The following WASHC2C variants were observed in gnomAD, a reference collection of about 807,000 sequenced individuals.
WASHC2C encodes the protein WASH complex subunit 2C.
WASHC2C carries 73 observed loss-of-function variants against 142.2 expected under a neutral mutation model. The observed-to-expected ratio is 0.51, with a 90% CI of 0.43 to 0.62. The LOEUF (loss-of-function observed/expected upper bound fraction) is 0.62. Among genes scored for constraint, WASHC2C ranks in the 20% least tolerant of loss-of-function variants. The pLI is 0.00. For synonymous variants in WASHC2C, 337 were observed against 565.5 expected (o/e 0.60, Z 5.73); for missense variants, 969 against 1,531.7 (o/e 0.63, Z 6.13).
intron 23 of WASHC2C, among the ~76,000 whole-genome samples, chr10:45,779,798 A>C (rs1310776252): frequency 6.6e-6 from 1 of 152,158 alleles, no homozygotes; most frequent in Non-Finnish European, 1.5e-5. Flanking sequence ...CATCCTGGCC[A>C]ACATAATGAA....
At position 45,757,011 on chromosome 10, in the gene WASHC2C, G is replaced by A. The variant is rs781783271; in HGVS notation, c.1421-1G>A. On this transcript the variant is annotated splice_acceptor_variant, in intron 15 of 30. Coordinates refer to ENST00000623400, the MANE Select transcript of WASHC2C (RefSeq NM_001330074.2). LOFTEE classifies it high-confidence loss of function. ...ATTTTATGCCTTGGTATTTTTTACA[G>A]GCAAAGTCCAATCCACTGCCGATAT... The A allele has an allele frequency of 1.9e-6, 3 of 1,594,896 alleles. No homozygotes were observed. Among genetic ancestry groups the A allele is most frequent in the Non-Finnish European group, 2.6e-6 (3 of 1,169,910 alleles).
At chr10:45,779,782 C>T (rs1262564664) in intron 23 of WASHC2C, among the ~76,000 whole-genome samples, 1 of 152,050 alleles carries the variant, frequency 6.6e-6, no homozygotes, top group African/African-American at 2.4e-5. Context: ...GTCAAGAGAT[C>T]GAGACCATCC....
At chr10:45,739,785 G>A (rs2051760519) in intron 4 of WASHC2C, among the ~76,000 whole-genome samples, 1 of 152,120 alleles carries the variant, frequency 6.6e-6, no homozygotes, top group Admixed American at 6.6e-5. Context: ...TCATTGTTGG[G>A]ATACTTCTCC....
chr10:45,727,659 C>T (rs1175872166), intron 2 of WASHC2C, 120 bp downstream of exon 2: 2 of 1,262,178 alleles, frequency 1.6e-6, no homozygotes, highest in Non-Finnish European at 2.1e-6. Flanking sequence ...CTCTTAGGAA[C>T]ACACGCCCCG....
intron 21 of WASHC2C, among the ~76,000 whole-genome samples, chr10:45,773,707 G>C (rs1404898932): frequency 6.6e-6 from 1 of 152,150 alleles, no homozygotes; most frequent in Non-Finnish European, 1.5e-5. Context: ...GTTTATATTA[G>C]CCAGTCAGTA....
chr10:45,737,771 T>A (rs1554865383), intron 3 of WASHC2C, among the ~76,000 whole-genome samples: 2 of 148,322 alleles, frequency 1.3e-5, no homozygotes, highest in Admixed American at 6.7e-5. Flanking sequence ...TATTTAAATT[T>A]TTTTTTTTTT....
At chr10:45,751,414 G>T in intron 10 of WASHC2C, 68 bp from the exon 11 acceptor site, 1 of 753,460 alleles carries the variant, frequency 1.3e-6, no homozygotes, top group South Asian at 1.9e-5. Context: ...TGACAGACGT[G>T]GAAAGAACCA....
intron 5 of WASHC2C, among the ~76,000 whole-genome samples, chr10:45,741,651 G>A (rs1392060857): frequency 3.9e-5 from 6 of 152,100 alleles, no homozygotes; most frequent in Non-Finnish European, 8.8e-5. Flanking sequence ...TGTGTGAAAC[G>A]TCAGAATTAT....
At chr10:45,761,599 C>G (rs2055093543) in intron 17 of WASHC2C, among the ~76,000 whole-genome samples, 1 of 152,176 alleles carries the variant, frequency 6.6e-6, no homozygotes, top group South Asian at 2.1e-4. Context: ...AGAGTTAAAG[C>G]TTTGGACCCA....
chr10:45,774,813 T>C (rs1373616148), intron 21 of WASHC2C, among the ~76,000 whole-genome samples: 6 of 131,770 alleles, frequency 4.6e-5, no homozygotes, highest in Non-Finnish European at 1.0e-4. Context: ...ATTTCTGTTA[T>C]ATAGAAAATG....
At chr10:45,763,855 C>A (rs2055445000) in intron 18 of WASHC2C, among the ~76,000 whole-genome samples, 1 of 152,108 alleles carries the variant, frequency 6.6e-6, no homozygotes, top group South Asian at 2.1e-4. Context: ...GTACGCACCA[C>A]CACTCCCGGC....
At chr10:45,776,955 AG>A (rs1554886549) in intron 21 of WASHC2C, among the ~76,000 whole-genome samples, 1 of 149,730 alleles carries the variant, frequency 6.7e-6, no homozygotes. Context: ...GAAATATAAG[AG>A]GAGTGAGGCA....
At chr10:45,757,202 G>A in intron 16 of WASHC2C, 63 bp downstream of exon 16, 1 of 1,609,970 alleles carries the variant, frequency 6.2e-7, no homozygotes, top group Non-Finnish European at 8.5e-7. Context: ...AATTCATCCG[G>A]AACCCAGAGG....
chr10:45,779,114 T>A lies in WASHC2C; in HGVS notation c.2457T>A (p.Ala819=), dbSNP rs1554887296. The change falls in exon 23 of 31, where the codon GCT becomes GCA. Residue 819 remains alanine (A), a synonymous_variant. Transcript: ENST00000623400. The stretch of plus-strand genomic sequence containing the variant: ...TGGAAGATCAAAACATTATCCAGGC[T>A]CCACAGAAAGAAGTAGGAAAGGTAA... ...DKMEDQNIIQ[A]PQKEVGKGCD... 1 of 1,611,636 alleles carries A rather than the reference T, an allele frequency of 6.2e-7. No individual in the cohort carries two copies. The highest frequency in any genetic ancestry group is 8.5e-7 in the Non-Finnish European group (1 of 1,179,756).
rs191602803 is a variant in WASHC2C, at chr10:45,735,134, G to A, written c.292-2849G>A. 1.4e-3 allele frequency among the ~76,000 whole-genome samples: 212 copies of A among 151,234 alleles called. 1 individual carries two copies. Among genetic ancestry groups the A allele is most frequent in the African/African-American group, 5.1e-3 (208 of 41,120 alleles). ...CTGCAGATTTCTAATGTCTTATTAG[G>A]GCAAGTCCCCATAATCTGTTTTTAT... On this transcript the variant is annotated intron_variant, in intron 3 of 30. Transcript: ENST00000623400.
At chr10:45,757,942 G>C (rs1554878180) in intron 16 of WASHC2C, among the ~76,000 whole-genome samples, 1 of 152,254 alleles carries the variant, frequency 6.6e-6, no homozygotes, top group African/African-American at 2.4e-5. Context: ...CTGCTTTATA[G>C]TATTTTTTTA....
rs553352252 is a variant in WASHC2C at position 45,785,816 on chromosome 10, A to G, written c.2811+185A>G. ...CCCCTCTCCTCACTCCACACGCCAG[A>G]GTTTCATGAATCTATACTTTAATAG... On this transcript the variant is annotated intron_variant, in intron 26 of 30. Transcript: ENST00000623400. 575 of 1,100,090 alleles carry G rather than the reference A, an allele frequency of 5.2e-4. 2 individuals are homozygous for G. In the African/African-American group the frequency reaches 7.9e-3, roughly 15 times the overall value. 68.1% of individuals were successfully genotyped at this position (1,100,090 alleles called of 1,614,324 possible). A position where few individuals can be genotyped will look rare whatever the true frequency, so the allele number is the denominator to read the frequency against.
intron 30 of WASHC2C, 49 bp from the exon 31 acceptor site, chr10:45,792,212 C>T: frequency 6.4e-7 from 1 of 1,561,718 alleles, no homozygotes; most frequent in Non-Finnish European, 8.7e-7. Flanking sequence ...CTTAAAAGTA[C>T]CTTTCTCCAC....
intron 17 of WASHC2C, among the ~76,000 whole-genome samples, chr10:45,761,609 A>G (rs138586467): frequency 0.045 from 6,837 of 152,024 alleles, 178 homozygotes; most frequent in African/African-American, 0.072. Context: ...CTTTGGACCC[A>G]AAGGAATGCG....
Sources: gnomAD v4.1 joint callset for allele counts (sites outside exome capture counted in the v4.1 genomes callset) on GRCh38, gnomAD v4.1.1 for gene constraint, MANE v1.5 for transcripts, NCBI Gene and HGNC (gene_info 2026-07-23, HGNC 2026-07-21) for gene names.